MARK3: variants seen among roughly 807,000 people sequenced by gnomAD.
MARK3 encodes microtubule affinity regulating kinase 3.
Under a neutral mutation model 90.1 loss-of-function variants are expected in MARK3, and 46 were observed. That is an observed-to-expected ratio of 0.51 (90% CI 0.40 to 0.65). The LOEUF (loss-of-function observed/expected upper bound fraction) is 0.65, where lower values mean the gene tolerates loss of function less well. Ranked by LOEUF, MARK3 falls within the 30% of genes least tolerant of loss-of-function variation. MARK3 has a pLI of 0.00. For synonymous variants in MARK3, 321 were observed against 332.6 expected (o/e 0.97, Z 0.38); for missense variants, 818 against 947.2 (o/e 0.86, Z 1.79).
chr14:103,388,388 A>C (rs1006725286), intron 1 of MARK3, among the ~76,000 whole-genome samples: 3 of 152,226 alleles, frequency 2.0e-5, no homozygotes, highest in African/African-American at 7.2e-5. Context: ...CCCTTGTGTC[A>C]GTGTTATAAC....
chr14:103,447,856 C>G (rs2093033995), intron 3 of MARK3, among the ~76,000 whole-genome samples: 2 of 152,094 alleles, frequency 1.3e-5, no homozygotes, highest in African/African-American at 2.4e-5. Flanking sequence ...TCTCTGCAAC[C>G]TCCACTTCCC....
chr14:103,475,029 A>G lies in MARK3; in HGVS notation c.1301A>G (p.Lys434Arg). ...ATTCCTTCTGTTGTGGCGTATCCGA[A>G]AAGGAGTCAGACCAGCACTGCAGAT... The part of the protein sequence containing the change: ...PAIPSVVAYP[K>R]RSQTSTADSD... The change falls in exon 13 of 18, where the codon AAA becomes AGA. Residue 434 changes from lysine (K) to arginine (R), a missense_variant. Transcript: ENST00000429436. 1 of 1,614,174 alleles carries G rather than the reference A, an allele frequency of 6.2e-7. No individual in the cohort carries two copies. Among genetic ancestry groups the G allele is most frequent in the Non-Finnish European group, 8.5e-7 (1 of 1,179,988 alleles).
At chr14:103,465,526 T>C (rs1379083962) in intron 7 of MARK3, 31 bp from the exon 8 acceptor site, 4 of 1,505,616 alleles carry the variant, frequency 2.7e-6, no homozygotes, top group Non-Finnish European at 3.7e-6. Flanking sequence ...TTTGGCTAAA[T>C]TTCATTTTTG....
Position 103,474,983 on chromosome 14 carries a change from T to G in MARK3, c.1265-10T>G. On this transcript the variant is annotated splice_polypyrimidine_tract_variant and intron_variant, in intron 12 of 17. Transcript: ENST00000429436. The stretch of plus-strand genomic sequence containing the variant: ...ATTCAGTCATTTAAAAAATGAACTC[T>G]TTATTTTAGCTGGACCAGCTATTCC... The G allele has an allele frequency of 1.2e-6, 2 of 1,603,328 alleles. No homozygotes were observed. Among genetic ancestry groups the G allele is most frequent in the Non-Finnish European group, 1.7e-6 (2 of 1,171,278 alleles).
chr14:103,459,922 C>CTG (rs2093360782), intron 6 of MARK3, among the ~76,000 whole-genome samples: 1 of 151,874 alleles, frequency 6.6e-6, no homozygotes, highest in Non-Finnish European at 1.5e-5. Context: ...ACAAAGTACA[C>CTG]TGTGTGTGAT....
At chr14:103,427,217 A>G (rs1387451315) in intron 2 of MARK3, among the ~76,000 whole-genome samples, 1 of 151,570 alleles carries the variant, frequency 6.6e-6, no homozygotes, top group Non-Finnish European at 1.5e-5. Flanking sequence ...GTAAAGAAAC[A>G]GGCCAGGCGC....
Position 103,498,516 on chromosome 14 carries a change from G to T in MARK3, c.1859G>T (p.Arg620Met), listed in dbSNP as rs2075473567. Reference protein sequence around the residue: ...SKLTRRNMSFRFIKRLPTEYE... With the variant: ...SKLTRRNMSFMFIKRLPTEYE... ...ATTTCTTTTAGAAACATGTCATTCA[G>T]GTTTATCAAAAGGTAGGATTTATAT... Residue 620 changes from arginine to methionine, a missense_variant, in exon 16 of 18, where the codon AGG becomes ATG. Around this residue, in one of 3 missense-constraint regions of MARK3, gnomAD observed 560 missense variants for 613.5 expected, o/e 0.91. Transcript: ENST00000429436. The T allele has an allele frequency of 4.4e-6, 6 of 1,351,912 alleles. No individual in the cohort carries two copies. The highest frequency in any genetic ancestry group is 3.2e-5 in the East Asian group (1 of 31,414). 83.7% of individuals were successfully genotyped at this position (1,351,912 alleles called of 1,614,324 possible).
intron 2 of MARK3, among the ~76,000 whole-genome samples, chr14:103,423,557 GTCTACACCTT>G (rs983735256): frequency 6.6e-6 from 1 of 152,076 alleles, no homozygotes; most frequent in African/African-American, 2.4e-5. Flanking sequence ...CTTCTCTCCA[GTCTACACCTT>G]TCTGAGGCAC....
chr14:103,406,529 G>C (rs1336114039), intron 2 of MARK3, among the ~76,000 whole-genome samples: 3 of 152,102 alleles, frequency 2.0e-5, no homozygotes, highest in African/African-American at 7.2e-5. Context: ...GAGCCACCAC[G>C]CCCAGCCTAA....
chr14:103,456,590 T>TA (rs1164519030), intron 5 of MARK3, among the ~76,000 whole-genome samples: 8 of 152,342 alleles, frequency 5.3e-5, no homozygotes, highest in East Asian at 3.9e-4. Context: ...CCACAGCACT[T>TA]ACTGTCCTCT....
intron 16 of MARK3, 30 bp from the exon 17 acceptor site, chr14:103,500,124 CTT>C (rs1216873094): frequency 3.2e-6 from 5 of 1,583,366 alleles, no homozygotes; most frequent in Non-Finnish European, 8.7e-7. Context: ...CTCTTTCCCT[CTT>C]CTCTCTGCTT....
At chr14:103,402,356 T>A (rs922332923) in intron 1 of MARK3, among the ~76,000 whole-genome samples, 6 of 151,940 alleles carry the variant, frequency 3.9e-5, no homozygotes, top group Admixed American at 6.6e-5. Flanking sequence ...AGTTCGAGAC[T>A]AGCCTGGCCA....
intron 12 of MARK3, among the ~76,000 whole-genome samples, chr14:103,468,436 T>C (rs573797396): frequency 6.8e-6 from 1 of 147,540 alleles, no homozygotes. Context: ...GCGATTCTCC[T>C]GCCTCAGCCT....
intron 1 of MARK3, among the ~76,000 whole-genome samples, chr14:103,393,037 G>A (rs973417905): frequency 7.9e-5 from 12 of 152,140 alleles, no homozygotes; most frequent in African/African-American, 2.9e-4. Context: ...GGGCTGGAGT[G>A]CAGTGGCATG....
intron 3 of MARK3, among the ~76,000 whole-genome samples, chr14:103,447,937 TA>T (rs1353795267): frequency 1.3e-5 from 2 of 152,148 alleles, no homozygotes; most frequent in African/African-American, 4.8e-5. Flanking sequence ...TGCACCCAGC[TA>T]ATTTCTGTAT....
intron 2 of MARK3, among the ~76,000 whole-genome samples, chr14:103,407,867 A>T (rs1188609115): frequency 6.6e-6 from 1 of 151,904 alleles, no homozygotes; most frequent in Non-Finnish European, 1.5e-5. Context: ...CCTTTGATGT[A>T]GTTTCTTGCA....
In MARK3 at chr14:103,493,548, A is replaced by G. The variant is rs146643550; in HGVS notation, c.1844+1514A>G. Among the ~76,000 whole-genome samples, 141 of 152,214 alleles carry G rather than the reference A, an allele frequency of 9.3e-4. 2 individuals are homozygous for G. Among genetic ancestry groups the G allele is most frequent in the African/African-American group, 3.3e-3 (139 of 41,532 alleles). On this transcript the variant is annotated intron_variant, in intron 15 of 17. Transcript: ENST00000429436. ...GCCAGCAAGAGAGACAGTGAGTTCA[A>G]TCTGAGAAGAGTCTGGTGACTCCCA...
intron 15 of MARK3, among the ~76,000 whole-genome samples, chr14:103,492,594 T>G (rs1042694338): frequency 3.9e-5 from 6 of 152,200 alleles, no homozygotes. Flanking sequence ...AAATCTCTGG[T>G]TTATTATCAA....
intron 12 of MARK3, among the ~76,000 whole-genome samples, chr14:103,474,764 T>TAA (rs150156667): frequency 6.7e-6 from 1 of 149,476 alleles, no homozygotes; most frequent in African/African-American, 2.4e-5. Flanking sequence ...CTCTTACTAT[T>TAA]AAAAAAAAAA....
Sources: allele counts gnomAD v4.1 joint callset (sites outside exome capture counted in the v4.1 genomes callset), GRCh38; gene constraint gnomAD v4.1.1; regional missense constraint gnomAD v4.1.1; transcripts MANE v1.5; gene names NCBI Gene and HGNC (gene_info 2026-07-23, HGNC 2026-07-21).